Variants in PIK3R3 observed in about 807,000 individuals in gnomAD.
PIK3R3 encodes the protein phosphatidylinositol 3-kinase regulatory subunit gamma.
In PIK3R3, 64 loss-of-function variants were observed where a neutral mutation model predicts 62.9. That is an observed-to-expected ratio of 1.02 (90% CI 0.83 to 1.25). PIK3R3 has a LOEUF of 1.25. Among genes scored for constraint, PIK3R3 ranks in the 50% most tolerant of loss-of-function variants. The probability of loss-of-function intolerance (pLI) is 0.00; values close to 1 mark genes in which losing one functional copy is unlikely to be tolerated. For missense variants in PIK3R3, 614 were observed against 561.6 expected (o/e 1.09, Z -0.94); for synonymous variants, 165 against 189.0 (o/e 0.87, Z 1.04).
chr1:46,139,317 CTTTTT>C, the PIK3R3 span, among the ~76,000 whole-genome samples: 1 of 138,326 alleles, frequency 7.2e-6, no homozygotes, highest in East Asian at 2.1e-4. Context: ...TTTTTTTTTT[CTTTTT>C]GAGACGGAGT....
chr1:46,080,513 A>G (rs973612950), intron 2 of PIK3R3, 129 bp downstream of exon 2: 9 of 680,980 alleles, frequency 1.3e-5, no homozygotes, highest in Middle Eastern at 2.5e-4. Flanking sequence ...CTTCAGCCTC[A>G]GCCTCCTGAG....
chr1:46,118,370 T>C (rs944911742), intron 1 of PIK3R3, among the ~76,000 whole-genome samples: 1 of 152,114 alleles, frequency 6.6e-6, no homozygotes, highest in Non-Finnish European at 1.5e-5. Context: ...GTTTCTCTAA[T>C]TCTACCTTTC....
intron 1 of PIK3R3, among the ~76,000 whole-genome samples, chr1:46,126,752 C>A (rs1372541330): frequency 1.4e-5 from 2 of 143,250 alleles, no homozygotes; most frequent in Non-Finnish European, 3.1e-5. Flanking sequence ...CCTGGGGCAA[C>A]AAAGCAAGAC....
the PIK3R3 span, among the ~76,000 whole-genome samples, chr1:46,164,242 T>C: frequency 1.3e-5 from 2 of 152,182 alleles, no homozygotes; most frequent in African/African-American, 4.8e-5. Context: ...TCTCAGTGAA[T>C]AGCACCACCC....
rs915551510 is a variant in PIK3R3 at position 46,041,166 on chromosome 1, C to A, written c.*2507G>T. On this transcript the variant is annotated 3_prime_UTR_variant, in exon 10 of 10. Coordinates refer to ENST00000262741, the MANE Select transcript of PIK3R3 (RefSeq NM_003629.4). ...CTCTCATGAAGGAGGCCAAGACCTG[C>A]TCCCAAGTCATGGGCGTAGAGAAGC... 1.3e-5 allele frequency: 2 copies of A among 154,132 alleles called. No individual in the cohort carries two copies. The highest frequency in any genetic ancestry group is 6.5e-5 in the Admixed American group (1 of 15,312). The allele number at this position is 154,132 out of a possible 1,614,324, so 9.5% of individuals were successfully genotyped here.
chr1:46,043,652 A>G lies in PIK3R3; in HGVS notation c.*21T>C. ...CTGTAGAAAAAAATGCCAGAGAACC[A>G]CCTCTCTTCCCACTTCCTCTTTATC... On this transcript the variant is annotated 3_prime_UTR_variant, in exon 10 of 10. Transcript: ENST00000262741. The G allele has an allele frequency of 6.2e-7, 1 of 1,605,868 alleles. No homozygotes were observed.
intron 3 of PIK3R3, among the ~76,000 whole-genome samples, chr1:46,071,827 A>G (rs1407574080): frequency 6.7e-6 from 1 of 150,118 alleles, no homozygotes; most frequent in Non-Finnish European, 1.5e-5. Context: ...CTACAACATT[A>G]AATACATTAA....
At chr1:46,094,180 G>GA (rs1432232645) in intron 1 of PIK3R3, among the ~76,000 whole-genome samples, 1 of 151,200 alleles carries the variant, frequency 6.6e-6, no homozygotes, top group East Asian at 1.9e-4. Context: ...CAAGAAACAA[G>GA]AAAAAAATCC....
chr1:46,165,773 TTTTTTTTTTTTTTTTTG>T, the PIK3R3 span, among the ~76,000 whole-genome samples: 5 of 102,160 alleles, frequency 4.9e-5, no homozygotes, highest in South Asian at 3.9e-4. Context: ...TTTTTTTTTT[TTTTTTTTTTTTTTTTTG>T]AGACTGAGTC....
intron 7 of PIK3R3, among the ~76,000 whole-genome samples, chr1:46,050,066 A>G (rs1345475618): frequency 1.3e-5 from 2 of 149,320 alleles, no homozygotes; most frequent in Non-Finnish European, 3.0e-5. Flanking sequence ...GGTTGCAGTG[A>G]GCCGAGATCG....
intron 3 of PIK3R3, among the ~76,000 whole-genome samples, chr1:46,074,283 C>T (rs1216762560): frequency 1.5e-4 from 11 of 74,018 alleles, no homozygotes; most frequent in Middle Eastern, 0.011. Flanking sequence ...AGCTAGACTC[C>T]GTCAAAAAAA....
chr1:46,061,959 C>T lies in PIK3R3; in HGVS notation c.734G>A (p.Arg245His), dbSNP rs749337134. ...AATCTCCTTTTCATTCCCCTCTCTG[C>T]GAAATCGCTCAATATATTCTTTGCT... ...QHSKEYIERF[R>H]REGNEKEIER... Residue 245 changes from arginine (R) to histidine (H), a missense_variant, in exon 6 of 10, where the codon CGC (arginine) becomes CAC (histidine). Coordinates refer to ENST00000262741, the MANE Select transcript of PIK3R3 (RefSeq NM_003629.4). 8.1e-6 allele frequency: 13 copies of T among 1,613,104 alleles called. No homozygotes were observed. Among genetic ancestry groups the T allele is most frequent in the Admixed American group, 3.3e-5 (2 of 59,978 alleles).
chr1:46,058,383 GAGA>G (rs1043748292), intron 6 of PIK3R3, among the ~76,000 whole-genome samples: 2 of 152,252 alleles, frequency 1.3e-5, no homozygotes, highest in Admixed American at 1.3e-4. Flanking sequence ...GTGGCACTGT[GAGA>G]AGAAGGCCAC....
chr1:46,051,313 T>C (rs1647323428), intron 7 of PIK3R3, among the ~76,000 whole-genome samples: 1 of 151,880 alleles, frequency 6.6e-6, no homozygotes, highest in South Asian at 2.1e-4. Context: ...CAGGCTAGAG[T>C]GCAGTGGGGC....
At chr1:46,141,704 T>C in the PIK3R3 span, among the ~76,000 whole-genome samples, 17 of 152,252 alleles carry the variant, frequency 1.1e-4, no homozygotes, top group Non-Finnish European at 2.4e-4. Flanking sequence ...AGACTAGCTC[T>C]AGTCCTAGAA....
chr1:46,062,157 C>T, intron 5 of PIK3R3, 86 bp from the exon 6 acceptor site: 1 of 1,164,760 alleles, frequency 8.6e-7, no homozygotes, highest in South Asian at 1.5e-5. Flanking sequence ...TTTGTAATTC[C>T]AGTTATTAAT....
At chr1:46,153,056 G>A in the PIK3R3 span, among the ~76,000 whole-genome samples, 555 of 152,106 alleles carry the variant, frequency 3.6e-3, 3 homozygotes, top group East Asian at 0.026. Context: ...CTACCTCCAC[G>A]TGCAAATTTT....
chr1:46,132,385 G>C lies in PIK3R3; in HGVS notation c.-433C>G, dbSNP rs1049325385. ...CACGTTGGGAGAAACCCGGGCAAGT[G>C]ACAAAGGAAGGCAAAAAAGGGGGCT... On this transcript the variant is annotated 5_prime_UTR_variant, in exon 1 of 10. Coordinates refer to ENST00000262741, the MANE Select transcript of PIK3R3 (RefSeq NM_003629.4). 11 of 1,128,232 alleles carry C rather than the reference G, an allele frequency of 9.7e-6. No homozygotes were observed. The Admixed American group carries it at 5.1e-4, about 52-fold the overall frequency. The allele number at this position is 1,128,232 out of a possible 1,614,324, so 69.9% of individuals were successfully genotyped here.
intron 1 of PIK3R3, among the ~76,000 whole-genome samples, chr1:46,094,734 C>G (rs545306427): frequency 6.6e-6 from 1 of 152,200 alleles, no homozygotes; most frequent in African/African-American, 2.4e-5. Context: ...ACACTAACCC[C>G]TTCCTATACC....
Sources: gnomAD v4.1 joint callset for allele counts (sites outside exome capture counted in the v4.1 genomes callset) on GRCh38, gnomAD v4.1.1 for gene constraint, MANE v1.5 for transcripts, NCBI Gene and HGNC (gene_info 2026-07-23, HGNC 2026-07-21) for gene names.